The following THSD4 variants were observed in gnomAD, a reference collection of about 807,000 sequenced individuals.
THSD4 encodes thrombospondin type-1 domain-containing protein 4.
A neutral mutation model predicts 119.0 loss-of-function variants in THSD4; 69 were observed. The observed-to-expected ratio is 0.58, with a 90% CI of 0.48 to 0.71. The LOEUF (loss-of-function observed/expected upper bound fraction) is 0.71. Ranked by LOEUF, THSD4 falls within the 30% of genes least tolerant of loss-of-function variation. THSD4 has a pLI of 0.00. For synonymous variants in THSD4, 524 were observed against 540.4 expected, an observed-to-expected ratio of 0.97 and a Z score of 0.42; for missense variants, 1,393 against 1,391.1, an observed-to-expected ratio of 1.00 and a Z score of -0.02.
chr15:71,757,861 C>A, intron 14 of THSD4, 41 bp from the exon 15 acceptor site: 1 of 1,607,764 alleles, frequency 6.2e-7, no homozygotes, highest in Non-Finnish European at 8.5e-7. Flanking sequence ...TCAGCAGCTG[C>A]CAGGGCCTCC....
Position 71,600,451 on chromosome 15 carries a change from G to T in THSD4, c.1153-60079G>T, listed in dbSNP as rs139051901. Among the ~76,000 whole-genome samples the T allele has an allele frequency of 6.4e-3, 972 of 152,300 alleles. 16 individuals are homozygous for T. The highest frequency in any genetic ancestry group is 0.02 in the African/African-American group (835 of 41,558). On this transcript the variant is annotated intron_variant, in intron 7 of 17. Coordinates refer to ENST00000261862, the MANE Select transcript of THSD4 (RefSeq NM_024817.3). ...ATCCTTGAGGGAAGAATCTGTGTCT[G>T]AATCATCATAAGCCCCACAGTACCT...
intron 6 of THSD4, among the ~76,000 whole-genome samples, chr15:71,320,690 G>A (rs545330590): frequency 1.3e-5 from 2 of 152,246 alleles, no homozygotes; most frequent in African/African-American, 4.8e-5. Context: ...CAAAAATGTG[G>A]GACTCGCACT....
At chr15:71,760,678 A>AT (rs1470518660) in intron 15 of THSD4, among the ~76,000 whole-genome samples, 1 of 152,182 alleles carries the variant, frequency 6.6e-6, no homozygotes, top group African/African-American at 2.4e-5. Flanking sequence ...TCTGGATTGC[A>AT]TTTTATTGAT....
intron 8 of THSD4, among the ~76,000 whole-genome samples, chr15:71,676,679 G>T (rs2051659078): frequency 6.6e-6 from 1 of 152,130 alleles, no homozygotes; most frequent in Non-Finnish European, 1.5e-5. Flanking sequence ...TCTGCCTCAT[G>T]CACTGACCTA....
At chr15:71,548,996 G>A (rs1457706255) in intron 7 of THSD4, among the ~76,000 whole-genome samples, 2 of 152,318 alleles carry the variant, frequency 1.3e-5, no homozygotes, top group Non-Finnish European at 1.5e-5. Flanking sequence ...CAGCTGACTC[G>A]TGGGGAAGGC....
intron 1 of THSD4, among the ~76,000 whole-genome samples, chr15:71,121,774 T>C (rs1027563624): frequency 6.6e-6 from 1 of 152,080 alleles, no homozygotes; most frequent in Non-Finnish European, 1.5e-5. Flanking sequence ...AATGCAGCTG[T>C]CTTGAGAGGA....
At chr15:71,681,897 C>G (rs1357234550) in intron 8 of THSD4, among the ~76,000 whole-genome samples, 1 of 151,988 alleles carries the variant, frequency 6.6e-6, no homozygotes, top group Non-Finnish European at 1.5e-5. Flanking sequence ...TTAGATGTTC[C>G]TCTTTTAATA....
chr15:71,597,527 C>A (rs754131642), intron 7 of THSD4, among the ~76,000 whole-genome samples: 1 of 152,204 alleles, frequency 6.6e-6, no homozygotes, highest in Non-Finnish European at 1.5e-5. Context: ...TAACAGAGGT[C>A]ATTTTAAGGA....
intron 11 of THSD4, among the ~76,000 whole-genome samples, chr15:71,743,486 C>G (rs1396041329): frequency 6.6e-6 from 1 of 152,160 alleles, no homozygotes; most frequent in Non-Finnish European, 1.5e-5. Context: ...GCACAGTGTA[C>G]TTAATGTTTG....
At position 71,737,736 on chromosome 15, in the gene THSD4, A is replaced by G; in HGVS notation, c.1635A>G (p.Glu545=). The change falls in exon 11 of 18, where the codon GAA becomes GAG. Residue 545 remains glutamate, a synonymous_variant. Coordinates refer to ENST00000261862, the MANE Select transcript of THSD4 (RefSeq NM_024817.3). The part of the protein sequence containing the change: ...PQVPPHRRPG[E]PFNGQMVTEG... ...GTGCACGCTCACCTCTCCTAGGGGA[A>G]CCCTTCAATGGCCAGATGGTGACAG... 6.2e-7 allele frequency: 1 copy of G among 1,608,086 alleles called. No individual in the cohort carries two copies. The highest frequency in any genetic ancestry group is 8.5e-7 in the Non-Finnish European group (1 of 1,176,918).
At chr15:71,432,253 A>G (rs1240441332) in intron 7 of THSD4, among the ~76,000 whole-genome samples, 1 of 152,188 alleles carries the variant, frequency 6.6e-6, no homozygotes, top group Non-Finnish European at 1.5e-5. Flanking sequence ...GCCCTTCTGG[A>G]ATGTTCAAAA....
At chr15:71,459,436 C>A (rs569003861) in intron 7 of THSD4, among the ~76,000 whole-genome samples, 3 of 151,542 alleles carry the variant, frequency 2.0e-5, no homozygotes, top group Non-Finnish European at 4.4e-5. Context: ...TCAACATGCT[C>A]CTGAGCTGGT....
intron 6 of THSD4, among the ~76,000 whole-genome samples, chr15:71,360,148 G>A (rs543498401): frequency 6.6e-6 from 1 of 152,138 alleles, no homozygotes; most frequent in Non-Finnish European, 1.5e-5. Context: ...GGGAAGAGCT[G>A]GGGGCTGATG....
At chr15:71,728,774 T>C (rs765596098) in intron 9 of THSD4, 50 bp downstream of exon 9, 1 of 1,601,442 alleles carries the variant, frequency 6.2e-7, no homozygotes, top group South Asian at 1.1e-5. Context: ...ATCTTGTCAC[T>C]TCTAAGGAAC....
At chr15:71,703,841 G>A (rs2052340798) in intron 8 of THSD4, among the ~76,000 whole-genome samples, 1 of 152,078 alleles carries the variant, frequency 6.6e-6, no homozygotes, top group African/African-American at 2.4e-5. Flanking sequence ...AAAGATTGGG[G>A]TTTTTTGTTA....
At chr15:71,386,939 C>T (rs185824674) in intron 6 of THSD4, among the ~76,000 whole-genome samples, 14 of 152,248 alleles carry the variant, frequency 9.2e-5, no homozygotes, top group Admixed American at 2.6e-4. Flanking sequence ...GGATTCTGTT[C>T]GCCTCGTAAT....
At chr15:71,707,972 G>C (rs2052425537) in intron 8 of THSD4, among the ~76,000 whole-genome samples, 1 of 152,146 alleles carries the variant, frequency 6.6e-6, no homozygotes, top group Non-Finnish European at 1.5e-5. Flanking sequence ...AGTTTGCTCT[G>C]GTTTTTGGTT....
At chr15:71,346,629 G>A (rs555555051) in intron 6 of THSD4, among the ~76,000 whole-genome samples, 68 of 152,126 alleles carry the variant, frequency 4.5e-4, no homozygotes, top group Admixed American at 1.7e-3. Flanking sequence ...AGGAGCCCTC[G>A]TCCATTTTTT....
chr15:71,274,096 C>G (rs2044563298), intron 6 of THSD4, among the ~76,000 whole-genome samples: 2 of 150,854 alleles, frequency 1.3e-5, no homozygotes, highest in African/African-American at 4.9e-5. Flanking sequence ...GCTGGGACAC[C>G]CTGAGTGACA....
Sources: allele counts gnomAD v4.1 joint callset (sites outside exome capture counted in the v4.1 genomes callset), GRCh38; gene constraint gnomAD v4.1.1; transcripts MANE v1.5; gene names NCBI Gene and HGNC (gene_info 2026-07-23, HGNC 2026-07-21).